Variants in ALOX15B observed in about 807,000 individuals in gnomAD.
The protein encoded by ALOX15B is arachidonate 15-lipoxygenase type B, also known as polyunsaturated fatty acid lipoxygenase ALOX15B.
Under a neutral mutation model 73.8 loss-of-function variants are expected in ALOX15B, and 74 were observed. The observed-to-expected ratio is 1.00, with a 90% confidence interval of 0.83 to 1.22. The LOEUF (loss-of-function observed/expected upper bound fraction) is 1.22. ALOX15B is among the 50% of genes most tolerant of loss of function. The probability of loss-of-function intolerance (pLI) is 0.00; values close to 1 mark genes in which losing one functional copy is unlikely to be tolerated. For missense variants in ALOX15B, 896 were observed against 859.9 expected, an observed-to-expected ratio of 1.04 and a Z score of -0.52; for synonymous variants, 353 against 357.2, an observed-to-expected ratio of 0.99 and a Z score of 0.13.
intron 3 of ALOX15B, among the ~76,000 whole-genome samples, chr17:8,041,373 G>A (rs1188776053): frequency 6.6e-6 from 1 of 152,216 alleles, no homozygotes; most frequent in Non-Finnish European, 1.5e-5. Context: ...GTGTGCTCTT[G>A]CTGTTGTTCC....
intron 5 of ALOX15B, among the ~76,000 whole-genome samples, chr17:8,044,423 CA>C (rs56146478): frequency 0.32 from 29,911 of 93,492 alleles, 3,216 homozygotes; most frequent in Middle Eastern, 0.44. Flanking sequence ...CAGCCTGTCT[CA>C]AAAAAAAAAA....
intron 6 of ALOX15B, 93 bp from the exon 7 acceptor site, chr17:8,045,145 T>C: frequency 6.3e-7 from 1 of 1,598,434 alleles, no homozygotes. Context: ...CGAAACACAC[T>C]CCTCTCCCAG....
At position 8,044,858 on chromosome 17, in the gene ALOX15B, G is replaced by A. The variant is rs753813375; in HGVS notation, c.706G>A (p.Ala236Thr). ...CGCATTTGAGCACTGGCAGGAGGAC[G>A]CCTTCTTCGCCTCCCAGTTCCTGAA... ...EHAFEHWQEDAFFASQFLNGL... is the reference protein window; with the variant it reads ...EHAFEHWQEDTFFASQFLNGL... The change falls in exon 6 of 14, where the codon GCC becomes ACC. Residue 236 changes from alanine to threonine, a missense_variant. Physicochemically the swap from Ala to Thr is moderately conservative, Grantham distance 58 (BLOSUM62 0). Coordinates refer to ENST00000380183, the MANE Select transcript of ALOX15B (RefSeq NM_001141.3). 14 of 1,594,282 alleles carry A rather than the reference G, an allele frequency of 8.8e-6. No homozygotes were observed. Among genetic ancestry groups the A allele is most frequent in the East Asian group, 4.6e-5 (2 of 43,482 alleles).
At position 8,045,274 on chromosome 17, in the gene ALOX15B, T is replaced by C; in HGVS notation, c.886T>C (p.Ser296Pro). 4 of 1,614,192 alleles carry C rather than the reference T, an allele frequency of 2.5e-6. No homozygotes were observed. The highest frequency in any genetic ancestry group is 8.5e-7 in the Non-Finnish European group (1 of 1,180,030). The change falls in exon 7 of 14, where the codon TCT becomes CCT. Residue 296 changes from serine (S) to proline (P), a missense_variant. Coordinates refer to ENST00000380183, the MANE Select transcript of ALOX15B (RefSeq NM_001141.3). ...GTTCTTGGTGGATCACGGCATCCTCTCTGGCATCCAGACCAATGTCATTAA... is the reference window on the plus strand; with the variant it reads ...GTTCTTGGTGGATCACGGCATCCTCCCTGGCATCCAGACCAATGTCATTAA... ...SLFLVDHGIL[S>P]GIQTNVINGK...
At chr17:8,047,101 G>A (rs753999649) in intron 10 of ALOX15B, 25 bp downstream of exon 10, 29 of 1,612,702 alleles carry the variant, frequency 1.8e-5, no homozygotes, top group Middle Eastern at 1.7e-4. Flanking sequence ...CTGGAGAGCC[G>A]AGGGCTGGTC....
intron 5 of ALOX15B, 100 bp downstream of exon 5, chr17:8,042,984 C>T (rs546894160): frequency 3.2e-6 from 3 of 947,320 alleles, no homozygotes; most frequent in East Asian, 2.6e-5. Flanking sequence ...TGCTATGTAA[C>T]CCTGATCAGG....
chr17:8,043,667 G>C (rs1447163519), intron 5 of ALOX15B, among the ~76,000 whole-genome samples: 1 of 152,146 alleles, frequency 6.6e-6, no homozygotes, highest in African/African-American at 2.4e-5. Flanking sequence ...AGAGGATGGT[G>C]GCCTCAGCAA....
intron 8 of ALOX15B, 73 bp from the exon 9 acceptor site, chr17:8,046,595 G>A: frequency 2.0e-6 from 3 of 1,468,928 alleles, no homozygotes; most frequent in East Asian, 2.4e-5. Context: ...CAGGGCTGGT[G>A]CCTGTGTGGG....
At chr17:8,043,185 A>G (rs1457905717) in intron 5 of ALOX15B, among the ~76,000 whole-genome samples, 1 of 152,198 alleles carries the variant, frequency 6.6e-6, no homozygotes, top group Non-Finnish European at 1.5e-5. Flanking sequence ...ATTAGACTCA[A>G]AATCAAATAA....
intron 10 of ALOX15B, 73 bp from the exon 11 acceptor site, chr17:8,047,185 A>G: frequency 6.2e-7 from 1 of 1,607,984 alleles, no homozygotes; most frequent in East Asian, 2.2e-5. Flanking sequence ...CCAGACATTC[A>G]TGATGCTAAG....
Position 8,048,440 on chromosome 17 carries a change from A to C in ALOX15B, c.1906A>C (p.Ser636Arg), listed in dbSNP as rs1458119867. Residue 636 changes from serine (S) to arginine (R), a missense_variant, in exon 14 of 14, where the codon AGC (serine) becomes CGC (arginine). Transcript: ENST00000380183. ...EHFTEEAPRRSIATFQSRLAQ... is the reference protein window; with the variant it reads ...EHFTEEAPRRRIATFQSRLAQ... ...CTTCACAGAGGAGGCCCCTCGGCGG[A>C]GCATCGCCACCTTCCAGAGCCGCCT... 6.2e-7 allele frequency: 1 copy of C among 1,614,064 alleles called. No homozygotes were observed. Among genetic ancestry groups the C allele is most frequent in the South Asian group, 1.1e-5 (1 of 91,084 alleles).
rs767121325 is a variant in ALOX15B at position 8,048,368 on chromosome 17, C to A, written c.1852-18C>A. The A allele has an allele frequency of 2.5e-6, 4 of 1,605,894 alleles. No individual in the cohort carries two copies. The highest frequency in any genetic ancestry group is 1.7e-4 in the Middle Eastern group (1 of 6,016). ...GACCTCAGCAGCCGCCTCACCCAAC[C>A]TTGTGGTGGATCCTCAGAGGCCCCT... is the stretch of plus-strand genomic sequence containing the variant. On this transcript the variant is annotated intron_variant, in intron 13 of 13. Transcript: ENST00000380183.
At position 8,039,981 on chromosome 17, in the gene ALOX15B, C is replaced by T. The variant is rs756705214; in HGVS notation, c.447C>T (p.Tyr149=). The change falls in exon 3 of 14, where the codon TAC becomes TAT. Residue 149 remains tyrosine (Y), a splice_region_variant and synonymous_variant. Coordinates refer to ENST00000380183, the MANE Select transcript of ALOX15B (RefSeq NM_001141.3). ...QEELQARQEM[Y]QWKAYNPGWP... ...AGCTTCAGGCCCGGCAGGAGATGTA[C>T]CAGTGAGGAGGGGGTTACTGATGGG... The T allele has an allele frequency of 4.3e-6, 7 of 1,612,954 alleles. No individual in the cohort carries two copies. The South Asian group carries it at 6.6e-5, about 15-fold the overall frequency.
In ALOX15B at chr17:8,046,684, C is replaced by A; in HGVS notation, c.1217C>A (p.Thr406Asn). ...HPLFKLLIPH[T>N]RYTLHINTLA... ...GCCATGCAGCTGCTGATCCCGCACACCCGATACACCCTGCACATCAACACA... is the reference window on the plus strand; with the variant it reads ...GCCATGCAGCTGCTGATCCCGCACAACCGATACACCCTGCACATCAACACA... Residue 406 changes from threonine to asparagine, a missense_variant, in exon 9 of 14, where the codon ACC becomes AAC. Coordinates refer to ENST00000380183, the MANE Select transcript of ALOX15B (RefSeq NM_001141.3). 6.2e-7 allele frequency: 1 copy of A among 1,613,884 alleles called. No individual in the cohort carries two copies. Among genetic ancestry groups the A allele is most frequent in the Non-Finnish European group, 8.5e-7 (1 of 1,179,916 alleles).
rs758469928 is a variant in ALOX15B at position 8,044,924 on chromosome 17, CCAAAGAA to C, written c.774_780del (p.Lys259SerfsTer22). The C allele has an allele frequency of 8.1e-6, 13 of 1,613,998 alleles. No homozygotes were observed. The highest frequency in any genetic ancestry group is 1.1e-5 in the Non-Finnish European group (13 of 1,180,016). On this transcript the variant is annotated frameshift_variant, in exon 6 of 14. Coordinates refer to ENST00000380183, the MANE Select transcript of ALOX15B (RefSeq NM_001141.3). LOFTEE classifies it high-confidence loss of function. ...CCTGATCCGCCGCTGTCACTACCTC[CCAAAGAA>C]CTTCCCCGTCACTGATGCCATGGTG... is the stretch of plus-strand genomic sequence containing the variant.
In ALOX15B at chr17:8,046,986, T is replaced by C. The variant is rs1483290235; in HGVS notation, c.1367T>C (p.Leu456Pro). ...CAGCTGAACTATTCTCTCCTGTGTC[T>C]GCCTGAGGATATCCGGACCCGAGGA... Reference protein sequence around the residue: ...MKQLNYSLLCLPEDIRTRGVE... With the variant: ...MKQLNYSLLCPPEDIRTRGVE... The change falls in exon 10 of 14, where the codon CTG becomes CCG. Residue 456 changes from leucine to proline, a missense_variant. Physicochemically the swap from Leu to Pro is moderately conservative, Grantham distance 98. Coordinates refer to ENST00000380183, the MANE Select transcript of ALOX15B (RefSeq NM_001141.3). 2 of 1,614,174 alleles carry C rather than the reference T, an allele frequency of 1.2e-6. No individual in the cohort carries two copies.
At chr17:8,039,627 G>T (rs1274493250) in intron 2 of ALOX15B, 22 bp downstream of exon 2, 6 of 1,177,530 alleles carry the variant, frequency 5.1e-6, no homozygotes, top group African/African-American at 1.5e-5. Flanking sequence ...GCCGGGCTGG[G>T]GCTGCAGGGG....
chr17:8,044,654 G>A (rs1976555170), intron 5 of ALOX15B, among the ~76,000 whole-genome samples, 175 bp from the exon 6 acceptor site: 2 of 152,106 alleles, frequency 1.3e-5, no homozygotes, highest in Non-Finnish European at 2.9e-5. Context: ...ATGATTTGCT[G>A]CTGGGTGAAG....
At chr17:8,044,458 G>C (rs1331651484) in intron 5 of ALOX15B, among the ~76,000 whole-genome samples, 1 of 151,798 alleles carries the variant, frequency 6.6e-6, no homozygotes, top group East Asian at 1.9e-4. Flanking sequence ...AAAAAGAAAG[G>C]GTCCCGAGTC....
Sources: gnomAD v4.1 joint callset for allele counts (sites outside exome capture counted in the v4.1 genomes callset) on GRCh38, gnomAD v4.1.1 for gene constraint, MANE v1.5 for transcripts, NCBI Gene and HGNC (gene_info 2026-07-23, HGNC 2026-07-21) for gene names.